The following PCDHGA2 variants were observed in gnomAD, a reference collection of about 807,000 sequenced individuals.
PCDHGA2 encodes the protein protocadherin gamma-A2.
A neutral mutation model predicts 59.2 loss-of-function variants in PCDHGA2; 40 were observed. The ratio of observed to expected loss-of-function variants is 0.68; its 90% CI spans 0.52 to 0.88. The LOEUF (loss-of-function observed/expected upper bound fraction) is 0.88. PCDHGA2 is among the 40% of genes least tolerant of loss of function. PCDHGA2 has a pLI of 0.00. For missense variants in PCDHGA2, 1,226 were observed against 1,204.0 expected (o/e 1.02, Z -0.27); for synonymous variants, 560 against 526.0 (o/e 1.06, Z -0.89).
chr5:141,372,340 G>C, intron 1 of PCDHGA2: 1 of 1,613,790 alleles, frequency 6.2e-7, no homozygotes, highest in Non-Finnish European at 8.5e-7. Flanking sequence ...GTGCGTGATG[G>C]AGGACAGCAG....
intron 2 of PCDHGA2, among the ~76,000 whole-genome samples, chr5:141,502,067 CCTTCACCTGGGG>C (rs1307097799): frequency 6.6e-6 from 1 of 152,172 alleles, no homozygotes; most frequent in Non-Finnish European, 1.5e-5. Flanking sequence ...CCATTAGCCC[CCTTCACCTGGGG>C]CTGAGAACAC....
intron 1 of PCDHGA2, chr5:141,344,195 A>G (rs1331215217): frequency 3.1e-6 from 5 of 1,614,034 alleles, no homozygotes; most frequent in Admixed American, 1.7e-5. Flanking sequence ...ACCTGGGGCT[A>G]GAGCCCCGGG....
intron 1 of PCDHGA2, among the ~76,000 whole-genome samples, chr5:141,492,530 C>A (rs1595123138): frequency 1.3e-5 from 2 of 152,246 alleles, no homozygotes; most frequent in South Asian, 2.1e-4. Flanking sequence ...CCCACCTGCG[C>A]CCCGGGCTGG....
At chr5:141,354,787 T>C (rs1473685855) in intron 1 of PCDHGA2, among the ~76,000 whole-genome samples, 2 of 152,328 alleles carry the variant, frequency 1.3e-5, no homozygotes, top group Admixed American at 6.5e-5. Context: ...ATATTTTCTC[T>C]AAGAAAATAA....
chr5:141,419,275 G>T (rs777238100), intron 1 of PCDHGA2: 35 of 1,613,856 alleles, frequency 2.2e-5, no homozygotes, highest in Non-Finnish European at 2.9e-5. Flanking sequence ...CCTCCATAGC[G>T]CAAGTCAGTG....
At position 141,365,281 on chromosome 5, in the gene PCDHGA2, G is replaced by T. The variant is rs752099096; in HGVS notation, c.2424+23886G>T. The stretch of plus-strand genomic sequence containing the variant: ...ATGAAGAATCCAGATTCTACCTCAT[G>T]GAAGTGGTAGCTCAGGATGGAGGCG... On this transcript the variant is annotated intron_variant, in intron 1 of 3. Coordinates refer to ENST00000394576, the MANE Select transcript of PCDHGA2 (RefSeq NM_018915.4). 5 of 1,614,000 alleles carry T rather than the reference G, an allele frequency of 3.1e-6. No homozygotes were observed. The Admixed American group carries it at 8.3e-5, about 27-fold the overall frequency.
chr5:141,360,401 G>A, intron 1 of PCDHGA2: 1 of 1,613,972 alleles, frequency 6.2e-7, no homozygotes. Context: ...GTGAGTGACA[G>A]AATAGACCGA....
At chr5:141,414,135 A>G in intron 1 of PCDHGA2, 1 of 1,595,504 alleles carries the variant, frequency 6.3e-7, no homozygotes, top group Non-Finnish European at 8.5e-7. Context: ...GTTTCTATGA[A>G]ATAGAAATAC....
rs146800629 is a variant in PCDHGA2 at position 141,347,267 on chromosome 5, C to T, written c.2424+5872C>T. On this transcript the variant is annotated intron_variant, in intron 1 of 3. Transcript: ENST00000394576. The stretch of plus-strand genomic sequence containing the variant: ...CTCGCAGACTCAAGTGATCCTCCCA[C>T]CTCAGCCTCCCGAGTAGCTGGGACT... 1.0e-3 allele frequency among the ~76,000 whole-genome samples: 157 copies of T among 151,962 alleles called. 1 individual carries two copies. The highest frequency in any genetic ancestry group is 2.2e-3 in the Admixed American group (34 of 15,248).
At chr5:141,368,029 A>G (rs751685709) in intron 1 of PCDHGA2, among the ~76,000 whole-genome samples, 3 of 152,216 alleles carry the variant, frequency 2.0e-5, no homozygotes, top group Non-Finnish European at 4.4e-5. Context: ...CTCAAATTCC[A>G]GGAGGATGTG....
At position 141,339,659 on chromosome 5, in the gene PCDHGA2, G is replaced by C; in HGVS notation, c.688G>C (p.Val230Leu). ...PVLSGTSRIC[V>L]KVLDANDNAP... ...GCTATCTGGCACCTCCCGCATCTGC[G>C]TGAAGGTCCTGGATGCGAACGACAA... Residue 230 changes from valine (V) to leucine (L), a missense_variant, in exon 1 of 4, where the codon GTG (valine) becomes CTG (leucine). Physicochemically the swap from Val to Leu is conservative, Grantham distance 32. Coordinates refer to ENST00000394576, the MANE Select transcript of PCDHGA2 (RefSeq NM_018915.4). The C allele has an allele frequency of 6.2e-7, 1 of 1,614,170 alleles. No individual in the cohort carries two copies. Among genetic ancestry groups the C allele is most frequent in the East Asian group, 2.2e-5 (1 of 44,872 alleles).
chr5:141,450,817 A>G, intron 1 of PCDHGA2, among the ~76,000 whole-genome samples: 1 of 137,534 alleles, frequency 7.3e-6, no homozygotes, highest in East Asian at 2.1e-4. Context: ...TTTATTTAAT[A>G]TTATTATTAT....
intron 1 of PCDHGA2, among the ~76,000 whole-genome samples, chr5:141,349,112 C>A (rs1474394147): frequency 6.6e-6 from 1 of 152,110 alleles, no homozygotes; most frequent in Non-Finnish European, 1.5e-5. Flanking sequence ...GCTCTGTCAC[C>A]CAGGATGGAC....
At chr5:141,377,569 C>A (rs1774120455) in intron 1 of PCDHGA2, 1 of 151,048 alleles carries the variant, frequency 6.6e-6, no homozygotes, top group African/African-American at 2.4e-5. Context: ...GCACCCTAGC[C>A]TGGGAGACAG....
At chr5:141,408,280 C>T in intron 1 of PCDHGA2, 1 of 1,612,648 alleles carries the variant, frequency 6.2e-7, no homozygotes, top group Non-Finnish European at 8.5e-7. Flanking sequence ...CTTTGTTCTA[C>T]CCCACCCTGA....
At position 141,341,138 on chromosome 5, in the gene PCDHGA2, C is replaced by T. The variant is rs770156048; in HGVS notation, c.2167C>T (p.Arg723Cys). Reference protein sequence around the residue: ...AHRLRRWHKSRLLQASGGSLT... With the variant: ...AHRLRRWHKSCLLQASGGSLT... ...CAGGCTGCGGCGCTGGCACAAGTCA[C>T]GCCTGCTGCAGGCTTCAGGAGGCAG... Residue 723 changes from arginine to cysteine, a missense_variant, in exon 1 of 4, where the codon CGC becomes TGC. Physicochemically the swap from Arg to Cys is radical, Grantham distance 180. Transcript: ENST00000394576. 8 of 1,614,222 alleles carry T rather than the reference C, an allele frequency of 5.0e-6. No homozygotes were observed. The highest frequency in any genetic ancestry group is 5.9e-6 in the Non-Finnish European group (7 of 1,180,040).
chr5:141,481,288 A>AGTC (rs2099535099), intron 1 of PCDHGA2, among the ~76,000 whole-genome samples: 1 of 152,188 alleles, frequency 6.6e-6, no homozygotes, highest in Admixed American at 6.5e-5. Flanking sequence ...ATGGTATTTC[A>AGTC]GTCATCTAAG....
Position 141,491,094 on chromosome 5 carries a change from G to T in PCDHGA2, c.2425-3713G>T. ...TGCCACAGTCCACAGCCCCAGGACT[G>T]TTCCTCGTGTCTACACACACTGGTG... On this transcript the variant is annotated intron_variant, in intron 1 of 3. Transcript: ENST00000394576. This position sits in a 1 kb window ranked among gnomAD's most constrained non-coding sequence, Gnocchi z 6.9. The T allele has an allele frequency of 6.2e-7, 1 of 1,614,202 alleles. No homozygotes were observed. The highest frequency in any genetic ancestry group is 1.1e-5 in the South Asian group (1 of 91,086).
At chr5:141,408,947 ATTAGTC>A in intron 1 of PCDHGA2, 6 of 1,613,666 alleles carry the variant, frequency 3.7e-6, no homozygotes, top group Non-Finnish European at 5.1e-6. Context: ...CGAATATAGA[ATTAGTC>A]TTAGTGAAAA....
Sources: gnomAD v4.1 joint callset for allele counts (sites outside exome capture counted in the v4.1 genomes callset) on GRCh38, gnomAD v4.1.1 for gene constraint, Gnocchi (gnomAD v3.1) non-coding constraint, MANE v1.5 for transcripts, NCBI Gene and HGNC (gene_info 2026-07-23, HGNC 2026-07-21) for gene names.